KRTAP21-2: variants seen among roughly 807,000 people sequenced by gnomAD.
KRTAP21-2 encodes keratin-associated protein 21-2.
For missense variants in KRTAP21-2, 103 were observed against 101.2 expected, an observed-to-expected ratio of 1.02 and a Z score of -0.08; for synonymous variants, 38 against 38.6, an observed-to-expected ratio of 0.98 and a Z score of 0.06.
Position 30,747,069 on chromosome 21 carries a change from G to A in KRTAP21-2, c.134C>T (p.Thr45Ile), listed in dbSNP as rs772756748. The A allele has an allele frequency of 7.4e-6, 12 of 1,613,616 alleles. No homozygotes were observed. The highest frequency in any genetic ancestry group is 9.3e-6 in the Non-Finnish European group (11 of 1,179,876). Residue 45 changes from threonine (T) to isoleucine (I), a missense_variant, in exon 1 of 1, where the codon ACT (threonine) becomes ATT (isoleucine). Coordinates refer to ENST00000333892, the MANE Select transcript of KRTAP21-2 (RefSeq NM_181617.3). Reference protein sequence around the residue: ...SGCRYGSGYGTGCGYGCGYGS... With the variant: ...SGCRYGSGYGIGCGYGCGYGS... ...GTATCCACAGCCATAGCCACAGCCA[G>A]TTCCATAGCCAGAGCCATATCTACA...
the KRTAP21-2 span, chr21:30,746,992 G>A: frequency 2.4e-3 from 3,811 of 1,610,694 alleles, 9 homozygotes; most frequent in South Asian, 2.8e-3. Context: ...CAAAGTGGTC[G>A]GTAGCCACAG....
Position 30,747,026 on chromosome 21 carries a change from A to G in KRTAP21-2, c.177T>C (p.Tyr59=), listed in dbSNP as rs564334454. 10 of 1,613,586 alleles carry G rather than the reference A, an allele frequency of 6.2e-6. No individual in the cohort carries two copies. The African/African-American group carries it at 1.3e-4, about 22-fold the overall frequency. ...AGCAGCTAGAGCTGTATCCACAGCCATATCCACAGCCAGAGCCGTATCCAC... is the reference window on the plus strand; with the variant it reads ...AGCAGCTAGAGCTGTATCCACAGCCGTATCCACAGCCAGAGCCGTATCCAC... ...YGCGYGSGCG[Y]GCGYSSSCCG... The change falls in exon 1 of 1, where the codon TAT becomes TAC. Residue 59 remains tyrosine, a synonymous_variant. Coordinates refer to ENST00000333892, the MANE Select transcript of KRTAP21-2 (RefSeq NM_181617.3).
Position 30,746,845 on chromosome 21 carries a change from C to T in KRTAP21-2, c.*106G>A. On this transcript the variant is annotated 3_prime_UTR_variant, in exon 1 of 1. Coordinates refer to ENST00000333892, the MANE Select transcript of KRTAP21-2 (RefSeq NM_181617.3). ...ATATGCATTCAGATAGTCAGGTGAC[C>T]ATAGTCAACCTTTACTTAGATGTGA... 7.5e-7 allele frequency: 1 copy of T among 1,339,392 alleles called. No homozygotes were observed. The highest frequency in any genetic ancestry group is 2.3e-5 in the East Asian group (1 of 43,014). 83.0% of individuals were successfully genotyped at this position (1,339,392 alleles called of 1,614,324 possible).
Position 30,747,143 on chromosome 21 carries a change from A to T in KRTAP21-2, c.60T>A (p.Ser20Arg). The change falls in exon 1 of 1, where the codon AGT becomes AGA. Residue 20 changes from serine (S) to arginine (R), a missense_variant. Ser to Arg is a moderately radical substitution (Grantham distance 110). Transcript: ENST00000333892. ...AGCCACAACCATATCCACAGCCGGA[A>T]CTCCAGCCAGAGCCATATCCACAGC... ...CGGCGYGSGW[S>R]SGCGYGCGYG... The T allele has an allele frequency of 1.9e-6, 3 of 1,613,536 alleles. No individual in the cohort carries two copies. Among genetic ancestry groups the T allele is most frequent in the Non-Finnish European group, 2.5e-6 (3 of 1,179,894 alleles).
At position 30,747,021 on chromosome 21, in the gene KRTAP21-2, C is replaced by T; in HGVS notation, c.182G>A (p.Cys61Tyr). Residue 61 changes from cysteine to tyrosine, a missense_variant, in exon 1 of 1, where the codon TGT becomes TAT. Cys to Tyr is a radical substitution (Grantham distance 194). Coordinates refer to ENST00000333892, the MANE Select transcript of KRTAP21-2 (RefSeq NM_181617.3). ...CGYGSGCGYG[C>Y]GYSSSCCGYR... ...GCCACAGCAGCTAGAGCTGTATCCA[C>T]AGCCATATCCACAGCCAGAGCCGTA... 6.2e-7 allele frequency: 1 copy of T among 1,613,578 alleles called. No homozygotes were observed. The highest frequency in any genetic ancestry group is 8.5e-7 in the Non-Finnish European group (1 of 1,179,630).
At position 30,746,856 on chromosome 21, in the gene KRTAP21-2, T is replaced by A; in HGVS notation, c.*95A>T. 1 of 1,439,488 alleles carries A rather than the reference T, an allele frequency of 6.9e-7. No homozygotes were observed. Among genetic ancestry groups the A allele is most frequent in the Admixed American group, 2.0e-5 (1 of 49,162 alleles). 89.2% of individuals were successfully genotyped at this position (1,439,488 alleles called of 1,614,324 possible). ...GATAGTCAGGTGACCATAGTCAACC[T>A]TTACTTAGATGTGAAGATAATGGGT... On this transcript the variant is annotated 3_prime_UTR_variant, in exon 1 of 1. Transcript: ENST00000333892.
In KRTAP21-2 at chr21:30,746,846, AT is replaced by A; in HGVS notation, c.*104del. The A allele has an allele frequency of 7.5e-7, 1 of 1,339,442 alleles. No homozygotes were observed. Among genetic ancestry groups the A allele is most frequent in the East Asian group, 2.3e-5 (1 of 43,052 alleles). 83.0% of individuals were successfully genotyped at this position (1,339,442 alleles called of 1,614,324 possible). On this transcript the variant is annotated 3_prime_UTR_variant, in exon 1 of 1. Transcript: ENST00000333892. The stretch of plus-strand genomic sequence containing the variant: ...TATGCATTCAGATAGTCAGGTGACC[AT>A]AGTCAACCTTTACTTAGATGTGAAG...
chr21:30,747,006 C>T lies in KRTAP21-2; in HGVS notation c.197G>A (p.Ser66Asn). Residue 66 changes from serine (S) to asparagine (N), a missense_variant, in exon 1 of 1, where the codon AGC (serine) becomes AAC (asparagine). Coordinates refer to ENST00000333892, the MANE Select transcript of KRTAP21-2 (RefSeq NM_181617.3). ...GCAAAGTGGTCGGTAGCCACAGCAG[C>T]TAGAGCTGTATCCACAGCCATATCC... ...GCGYGCGYSS[S>N]CCGYRPLCYR... is the part of the protein sequence containing the mutation. 1 of 1,614,042 alleles carries T rather than the reference C, an allele frequency of 6.2e-7. No individual in the cohort carries two copies. The highest frequency in any genetic ancestry group is 8.5e-7 in the Non-Finnish European group (1 of 1,179,982).
Position 30,747,057 on chromosome 21 carries a change from T to G in KRTAP21-2, c.146A>C (p.Tyr49Ser). The part of the protein sequence containing the change: ...YGSGYGTGCG[Y>S]GCGYGSGCGY... ...ACAGCCAGAGCCGTATCCACAGCCATAGCCACAGCCAGTTCCATAGCCAGA... is the reference window on the plus strand; with the variant it reads ...ACAGCCAGAGCCGTATCCACAGCCAGAGCCACAGCCAGTTCCATAGCCAGA... Residue 49 changes from tyrosine (Y) to serine (S), a missense_variant, in exon 1 of 1, where the codon TAT (tyrosine) becomes TCT (serine). Coordinates refer to ENST00000333892, the MANE Select transcript of KRTAP21-2 (RefSeq NM_181617.3). 1.9e-6 allele frequency: 3 copies of G among 1,613,700 alleles called. No homozygotes were observed. The highest frequency in any genetic ancestry group is 2.5e-6 in the Non-Finnish European group (3 of 1,179,924).
At position 30,747,226 on chromosome 21, in the gene KRTAP21-2, T is replaced by A. The variant is rs191802018; in HGVS notation, c.-24A>T. Reference sequence around the variant, plus strand: ...ATGATTTCAGGAGGTTAGATTTCAGTTGAGGTGTAGGAGGATATTTCTGAA... The same window carrying A: ...ATGATTTCAGGAGGTTAGATTTCAGATGAGGTGTAGGAGGATATTTCTGAA... On this transcript the variant is annotated 5_prime_UTR_variant, in exon 1 of 1. Coordinates refer to ENST00000333892, the MANE Select transcript of KRTAP21-2 (RefSeq NM_181617.3). The A allele has an allele frequency of 6.8e-6, 11 of 1,607,446 alleles. No homozygotes were observed. Among genetic ancestry groups the A allele is most frequent in the Non-Finnish European group, 9.4e-6 (11 of 1,175,282 alleles).
At position 30,746,855 on chromosome 21, in the gene KRTAP21-2, C is replaced by G. The variant is rs552993443; in HGVS notation, c.*96G>C. ...AGATAGTCAGGTGACCATAGTCAAC[C>G]TTTACTTAGATGTGAAGATAATGGG... On this transcript the variant is annotated 3_prime_UTR_variant, in exon 1 of 1. Coordinates refer to ENST00000333892, the MANE Select transcript of KRTAP21-2 (RefSeq NM_181617.3). The G allele has an allele frequency of 2.2e-5, 32 of 1,436,622 alleles. No homozygotes were observed. In the South Asian group the frequency reaches 3.9e-4, roughly 18 times the overall value. The allele number at this position is 1,436,622 out of a possible 1,614,324, so 89.0% of individuals were successfully genotyped here.
Position 30,746,883 on chromosome 21 carries a change from G to A in KRTAP21-2, c.*68C>T. 1 of 1,534,204 alleles carries A rather than the reference G, an allele frequency of 6.5e-7. No homozygotes were observed. The highest frequency in any genetic ancestry group is 8.9e-7 in the Non-Finnish European group (1 of 1,128,350). On this transcript the variant is annotated 3_prime_UTR_variant, in exon 1 of 1. Coordinates refer to ENST00000333892, the MANE Select transcript of KRTAP21-2 (RefSeq NM_181617.3). ...TACTTAGATGTGAAGATAATGGGTAGGGGAGATTTCAATTGAACTTGATCT... is the reference window on the plus strand; with the variant it reads ...TACTTAGATGTGAAGATAATGGGTAAGGGAGATTTCAATTGAACTTGATCT...
chr21:30,746,840 G>C lies in KRTAP21-2; in HGVS notation c.*111C>G, dbSNP rs1294325603. The C allele has an allele frequency of 7.8e-7, 1 of 1,284,586 alleles. No homozygotes were observed. The highest frequency in any genetic ancestry group is 1.1e-6 in the Non-Finnish European group (1 of 929,040). 79.6% of individuals were successfully genotyped at this position (1,284,586 alleles called of 1,614,324 possible). The stretch of plus-strand genomic sequence containing the variant: ...CTCTTATATGCATTCAGATAGTCAG[G>C]TGACCATAGTCAACCTTTACTTAGA... On this transcript the variant is annotated 3_prime_UTR_variant, in exon 1 of 1. Coordinates refer to ENST00000333892, the MANE Select transcript of KRTAP21-2 (RefSeq NM_181617.3).
chr21:30,747,218 G>T lies in KRTAP21-2; in HGVS notation c.-16C>A. 1 of 1,609,360 alleles carries T rather than the reference G, an allele frequency of 6.2e-7. No individual in the cohort carries two copies. The highest frequency in any genetic ancestry group is 8.5e-7 in the Non-Finnish European group (1 of 1,176,382). ...TGCAACACATGATTTCAGGAGGTTAGATTTCAGTTGAGGTGTAGGAGGATA... is the reference window on the plus strand; with the variant it reads ...TGCAACACATGATTTCAGGAGGTTATATTTCAGTTGAGGTGTAGGAGGATA... On this transcript the variant is annotated 5_prime_UTR_variant, in exon 1 of 1. Coordinates refer to ENST00000333892, the MANE Select transcript of KRTAP21-2 (RefSeq NM_181617.3).
chr21:30,746,834 A>T lies in KRTAP21-2; in HGVS notation c.*117T>A. On this transcript the variant is annotated 3_prime_UTR_variant, in exon 1 of 1. Transcript: ENST00000333892. ...CAGCTTCTCTTATATGCATTCAGAT[A>T]GTCAGGTGACCATAGTCAACCTTTA... 1 of 1,184,750 alleles carries T rather than the reference A, an allele frequency of 8.4e-7. No homozygotes were observed. The highest frequency in any genetic ancestry group is 1.2e-6 in the Non-Finnish European group (1 of 840,950). 73.4% of individuals were successfully genotyped at this position (1,184,750 alleles called of 1,614,324 possible).
In KRTAP21-2 at chr21:30,746,998, C is replaced by T. The variant is rs1203154675; in HGVS notation, c.205G>A (p.Gly69Ser). 3 of 1,613,588 alleles carry T rather than the reference C, an allele frequency of 1.9e-6. No individual in the cohort carries two copies. The highest frequency in any genetic ancestry group is 1.7e-5 in the Admixed American group (1 of 59,980). ...CTTCTGTAGCAAAGTGGTCGGTAGC[C>T]ACAGCAGCTAGAGCTGTATCCACAG... ...YGCGYSSSCC[G>S]YRPLCYRRCY... The change falls in exon 1 of 1, where the codon GGC (glycine) becomes AGC (serine). Residue 69 changes from glycine to serine, a missense_variant. Gly to Ser is a moderately conservative substitution (Grantham distance 56, BLOSUM62 0). Transcript: ENST00000333892.
Position 30,747,176 on chromosome 21 carries a change from G to A in KRTAP21-2, c.27C>T (p.Cys9=), listed in dbSNP as rs1289413770. The A allele has an allele frequency of 1.2e-6, 2 of 1,613,650 alleles. No homozygotes were observed. Among genetic ancestry groups the A allele is most frequent in the Admixed American group, 3.3e-5 (2 of 59,982 alleles). Reference sequence around the variant, plus strand: ...CAGAGCCATATCCACAGCCCCCACAGCAGTTTCTGTAGTAGTTGCAACACA... The same window carrying A: ...CAGAGCCATATCCACAGCCCCCACAACAGTTTCTGTAGTAGTTGCAACACA... The part of the protein sequence containing the change: MCCNYYRN[C]CGGCGYGSGW... Residue 9 remains cysteine (C), a synonymous_variant, in exon 1 of 1, where the codon TGC becomes TGT. Coordinates refer to ENST00000333892, the MANE Select transcript of KRTAP21-2 (RefSeq NM_181617.3).
Position 30,747,141 on chromosome 21 carries a change from G to T in KRTAP21-2, c.62C>A (p.Ser21Tyr). The T allele has an allele frequency of 6.2e-7, 1 of 1,613,614 alleles. No homozygotes were observed. The highest frequency in any genetic ancestry group is 8.5e-7 in the Non-Finnish European group (1 of 1,179,882). Residue 21 changes from serine to tyrosine, a missense_variant, in exon 1 of 1, where the codon TCC becomes TAC. By Grantham distance (144) the Ser-to-Tyr change is moderately radical. Coordinates refer to ENST00000333892, the MANE Select transcript of KRTAP21-2 (RefSeq NM_181617.3). ...GGCGYGSGWSSGCGYGCGYGC... is the reference protein window; with the variant it reads ...GGCGYGSGWSYGCGYGCGYGC... ...ATAGCCACAACCATATCCACAGCCG[G>T]AACTCCAGCCAGAGCCATATCCACA...
Position 30,746,988 on chromosome 21 carries a change from G to T in KRTAP21-2, c.215C>A (p.Pro72Gln). The T allele has an allele frequency of 1.2e-6, 2 of 1,613,506 alleles. No homozygotes were observed. Among genetic ancestry groups the T allele is most frequent in the Non-Finnish European group, 8.5e-7 (1 of 1,179,906 alleles). ...GYSSSCCGYR[P>Q]LCYRRCYSSC... ...GGAATAGCATCTTCTGTAGCAAAGT[G>T]GTCGGTAGCCACAGCAGCTAGAGCT... Residue 72 changes from proline (P) to glutamine (Q), a missense_variant, in exon 1 of 1, where the codon CCA (proline) becomes CAA (glutamine). Coordinates refer to ENST00000333892, the MANE Select transcript of KRTAP21-2 (RefSeq NM_181617.3).
Sources: allele counts gnomAD v4.1 joint callset, GRCh38; gene constraint gnomAD v4.1.1; transcripts MANE v1.5; gene names NCBI Gene and HGNC (gene_info 2026-07-23, HGNC 2026-07-21).